FOXJ3: variants seen among roughly 807,000 people sequenced by gnomAD.
FOXJ3 encodes the protein forkhead box J3.
A neutral mutation model predicts 76.1 loss-of-function variants in FOXJ3; 22 were observed. That is an observed-to-expected ratio of 0.29 (90% confidence interval 0.21 to 0.41). The LOEUF (loss-of-function observed/expected upper bound fraction) is 0.41, where lower values mean the gene tolerates loss of function less well. Among genes scored for constraint, FOXJ3 ranks in the 10% least tolerant of loss-of-function variants. The pLI is 1.00. For missense variants in FOXJ3, 613 were observed against 762.1 expected, an observed-to-expected ratio of 0.80 and a Z score of 2.30; for synonymous variants, 269 against 261.2, an observed-to-expected ratio of 1.03 and a Z score of -0.29.
At chr1:42,229,292 A>G (rs1647861557) in intron 4 of FOXJ3, among the ~76,000 whole-genome samples, 1 of 152,214 alleles carries the variant, frequency 6.6e-6, no homozygotes, top group African/African-American at 2.4e-5. Flanking sequence ...ACAGGTCTGT[A>G]TCCCCTTCTA....
At chr1:42,243,642 T>C (rs1238187221) in intron 4 of FOXJ3, among the ~76,000 whole-genome samples, 1 of 152,042 alleles carries the variant, frequency 6.6e-6, no homozygotes, top group African/African-American at 2.4e-5. Flanking sequence ...TAAAACAGAC[T>C]TTAAGTCAAA....
At chr1:42,200,678 C>T (rs1646747264) in intron 6 of FOXJ3, among the ~76,000 whole-genome samples, 1 of 152,114 alleles carries the variant, frequency 6.6e-6, no homozygotes, top group Non-Finnish European at 1.5e-5. Flanking sequence ...CGGGGTTTCA[C>T]TATGTTGGTC....
chr1:42,250,231 C>A (rs188807522), intron 4 of FOXJ3, among the ~76,000 whole-genome samples: 15 of 152,236 alleles, frequency 9.9e-5, no homozygotes, highest in African/African-American at 3.6e-4. Context: ...AATCTCAACT[C>A]TTCTAATTAT....
intron 1 of FOXJ3, chr1:42,334,143 C>T (rs1235815621): frequency 2.0e-6 from 2 of 980,998 alleles, no homozygotes; most frequent in Non-Finnish European, 2.4e-6. Flanking sequence ...CACCTGAATG[C>T]ATCGGTAGCA....
chr1:42,282,270 C>CTT (rs2124684557), intron 2 of FOXJ3, among the ~76,000 whole-genome samples: 1 of 152,228 alleles, frequency 6.6e-6, no homozygotes, highest in East Asian at 1.9e-4. Context: ...TTCCTGGACT[C>CTT]TGATGTCTCA....
At chr1:42,258,549 T>C (rs1255451243) in intron 4 of FOXJ3, among the ~76,000 whole-genome samples, 1 of 152,228 alleles carries the variant, frequency 6.6e-6, no homozygotes, top group East Asian at 1.9e-4. Context: ...ATAACAACTA[T>C]TCCAATGCCT....
At position 42,321,861 on chromosome 1, in the gene FOXJ3, T is replaced by C. The variant is rs1078022; in HGVS notation, c.-17-10751A>G. Among the ~76,000 whole-genome samples, 550 of 152,198 alleles carry C rather than the reference T, an allele frequency of 3.6e-3. 4 individuals are homozygous for C. Among genetic ancestry groups the C allele is most frequent in the African/African-American group, 0.013 (523 of 41,536 alleles). On this transcript the variant is annotated intron_variant, in intron 1 of 12. Transcript: ENST00000361346. Reference sequence around the variant, plus strand: ...AAAGAGATGTATGAGGAAGATTCCATTGGCATCATTTTCCAGGGAAAAAAA... The same window carrying C: ...AAAGAGATGTATGAGGAAGATTCCACTGGCATCATTTTCCAGGGAAAAAAA...
chr1:42,312,568 G>A (rs545966302), intron 1 of FOXJ3, among the ~76,000 whole-genome samples: 1 of 152,248 alleles, frequency 6.6e-6, no homozygotes, highest in South Asian at 2.1e-4. Context: ...TAACGAAAAT[G>A]CTGAGTAAAG....
intron 7 of FOXJ3, among the ~76,000 whole-genome samples, chr1:42,196,206 G>A (rs758475061): frequency 6.6e-6 from 1 of 152,102 alleles, no homozygotes; most frequent in Non-Finnish European, 1.5e-5. Flanking sequence ...GTACTGTCAC[G>A]TGGGATGTAG....
In FOXJ3 at chr1:42,178,690, CAGG is replaced by C. The variant is rs1356420507; in HGVS notation, c.*1017_*1019del. ...CTCCCAGCTACTCGGGAGGCTGAGG[CAGG>C]AGAATTGCTTGAACCCGGGAGGCGG... On this transcript the variant is annotated 3_prime_UTR_variant, in exon 13 of 13. Coordinates refer to ENST00000361346, the MANE Select transcript of FOXJ3 (RefSeq NM_014947.5). 1 of 152,442 alleles carries C rather than the reference CAGG, an allele frequency of 6.6e-6. No homozygotes were observed. The highest frequency in any genetic ancestry group is 1.5e-5 in the Non-Finnish European group (1 of 68,144). The allele number at this position is 152,442 out of a possible 1,614,324, so 9.4% of individuals were successfully genotyped here. A position where few individuals can be genotyped will look rare whatever the true frequency, so the allele number is the denominator to read the frequency against.
rs138837788 is a variant in FOXJ3 at position 42,182,626 on chromosome 1, T to C, written c.1646-602A>G. Among the ~76,000 whole-genome samples, 489 of 152,294 alleles carry C rather than the reference T, an allele frequency of 3.2e-3. 5 individuals carry two copies. Among genetic ancestry groups the C allele is most frequent in the East Asian group, 0.014 (70 of 5,166 alleles). ...GATTCTCCTGCCTCACCCTCCCAAG[T>C]AGCTGGGATTACAGGCGTGCACTAC... On this transcript the variant is annotated intron_variant, in intron 11 of 12. Transcript: ENST00000361346.
At chr1:42,273,871 G>A (rs1219461233) in intron 3 of FOXJ3, among the ~76,000 whole-genome samples, 2 of 152,036 alleles carry the variant, frequency 1.3e-5, no homozygotes, top group Non-Finnish European at 2.9e-5. Flanking sequence ...CTTTTCTTGG[G>A]GAGCGGGGTA....
At chr1:42,208,061 G>A (rs2124337974) in intron 5 of FOXJ3, among the ~76,000 whole-genome samples, 1 of 152,274 alleles carries the variant, frequency 6.6e-6, no homozygotes, top group African/African-American at 2.4e-5. Context: ...TTTGTTATCT[G>A]ATTTCATGTA....
chr1:42,252,256 ACT>A (rs1041026351), intron 4 of FOXJ3, among the ~76,000 whole-genome samples: 1 of 151,190 alleles, frequency 6.6e-6, no homozygotes, highest in African/African-American at 2.4e-5. Flanking sequence ...CTGGTCCTGG[ACT>A]CTTTTTGGTT....
intron 12 of FOXJ3, among the ~76,000 whole-genome samples, chr1:42,181,064 C>A (rs189200004): frequency 1.0e-3 from 154 of 152,358 alleles, no homozygotes; most frequent in African/African-American, 3.3e-3. Flanking sequence ...CACAGTTCTT[C>A]AAGGTTTTAA....
intron 9 of FOXJ3, 53 bp downstream of exon 9, chr1:42,191,250 G>C: frequency 6.7e-7 from 1 of 1,494,580 alleles, no homozygotes; most frequent in Non-Finnish European, 9.0e-7. Context: ...AATAACAAAG[G>C]ACAGATCCTA....
rs1646248795 is a variant in FOXJ3 at position 42,178,110 on chromosome 1, C to T, written c.*1600G>A. The T allele has an allele frequency of 6.6e-6, 1 of 152,108 alleles. No individual in the cohort carries two copies. The highest frequency in any genetic ancestry group is 6.6e-5 in the Admixed American group (1 of 15,212). The allele number at this position is 152,108 out of a possible 1,614,324, so 9.4% of individuals were successfully genotyped here. A position where few individuals can be genotyped will look rare whatever the true frequency, so the allele number is the denominator to read the frequency against. On this transcript the variant is annotated 3_prime_UTR_variant, in exon 13 of 13. Coordinates refer to ENST00000361346, the MANE Select transcript of FOXJ3 (RefSeq NM_014947.5). ...TGATATGATATGAAACAAAACAAAC[C>T]ACCACCACTAAAAAACCCGTAAGAG...
chr1:42,282,576 G>C (rs762053712), intron 2 of FOXJ3, among the ~76,000 whole-genome samples: 30 of 152,002 alleles, frequency 2.0e-4, no homozygotes, highest in Admixed American at 7.2e-4. Context: ...CAACCACTGA[G>C]GACAGTGACC....
At chr1:42,288,051 C>T (rs554075778) in intron 2 of FOXJ3, among the ~76,000 whole-genome samples, 1 of 152,170 alleles carries the variant, frequency 6.6e-6, no homozygotes, top group Non-Finnish European at 1.5e-5. Flanking sequence ...CTATAATTCT[C>T]ATCTTCAAAA....
Sources: gnomAD v4.1 joint callset for allele counts (sites outside exome capture counted in the v4.1 genomes callset) on GRCh38, gnomAD v4.1.1 for gene constraint, MANE v1.5 for transcripts, NCBI Gene and HGNC (gene_info 2026-07-23, HGNC 2026-07-21) for gene names.